REDIC1: variants seen among roughly 807,000 people sequenced by gnomAD.
REDIC1 encodes the protein HEI10 Interacting Protein 1.
chr12:39,833,042 T>C, the REDIC1 span, among the ~76,000 whole-genome samples: 1 of 152,146 alleles, frequency 6.6e-6, no homozygotes, highest in African/African-American at 2.4e-5. Context: ...TCTTTACTTC[T>C]GCTTACATTT....
At chr12:39,760,230 T>C in the REDIC1 span, 4 of 1,612,166 alleles carry the variant, frequency 2.5e-6, no homozygotes, top group Admixed American at 5.0e-5. Context: ...CAGCAGCAAA[T>C]CCAGCATAGA....
the REDIC1 span, among the ~76,000 whole-genome samples, chr12:39,813,220 C>T: frequency 1.3e-5 from 2 of 151,736 alleles, no homozygotes; most frequent in South Asian, 4.2e-4. Context: ...TCCATTTTAT[C>T]TATTCTGTTT....
At chr12:39,695,863 G>A in the REDIC1 span, among the ~76,000 whole-genome samples, 6 of 152,208 alleles carry the variant, frequency 3.9e-5, no homozygotes, top group African/African-American at 1.4e-4. Context: ...CCATGGGGAT[G>A]CTATGTCCCT....
chr12:39,896,386 A>G, the REDIC1 span, among the ~76,000 whole-genome samples: 302 of 130,738 alleles, frequency 2.3e-3, 9 homozygotes, highest in African/African-American at 8.3e-3. Context: ...ATATGTATGT[A>G]TATGTGTATA....
the REDIC1 span, among the ~76,000 whole-genome samples, chr12:39,714,576 A>T: frequency 6.6e-6 from 1 of 151,732 alleles, no homozygotes; most frequent in Non-Finnish European, 1.5e-5. Flanking sequence ...CTGGGTGGAT[A>T]CCCATTAGTG....
the REDIC1 span, among the ~76,000 whole-genome samples, chr12:39,858,757 C>T: frequency 6.6e-6 from 1 of 152,078 alleles, no homozygotes. Flanking sequence ...TAGGAGCCTG[C>T]CACCACACTT....
chr12:39,866,675 T>A, the REDIC1 span, among the ~76,000 whole-genome samples: 1 of 152,140 alleles, frequency 6.6e-6, no homozygotes, highest in Admixed American at 6.5e-5. Flanking sequence ...GAGACGGGGT[T>A]TCACCGTGTT....
chr12:39,710,767 C>T, the REDIC1 span, among the ~76,000 whole-genome samples: 1 of 151,884 alleles, frequency 6.6e-6, no homozygotes, highest in South Asian at 2.1e-4. Flanking sequence ...GTGACTTAAA[C>T]AAATGTATAT....
the REDIC1 span, among the ~76,000 whole-genome samples, chr12:39,708,403 AGT>A: frequency 6.6e-6 from 1 of 151,840 alleles, no homozygotes; most frequent in African/African-American, 2.4e-5. Context: ...CTTTGCATAT[AGT>A]GTCTCTTGCT....
chr12:39,743,910 C>T, the REDIC1 span, among the ~76,000 whole-genome samples: 3 of 152,062 alleles, frequency 2.0e-5, no homozygotes, highest in Non-Finnish European at 4.4e-5. Flanking sequence ...CAGAAAGGAA[C>T]AGAAGAAATA....
At chr12:39,720,886 A>T in the REDIC1 span, 12 of 1,613,292 alleles carry the variant, frequency 7.4e-6, no homozygotes, top group Admixed American at 1.7e-5. Context: ...TGTAGAAAGG[A>T]TGGCAAAACT....
At chr12:39,657,023 C>T in the REDIC1 span, among the ~76,000 whole-genome samples, 1 of 152,006 alleles carries the variant, frequency 6.6e-6, no homozygotes, top group African/African-American at 2.4e-5. Context: ...TTTAGTGAAG[C>T]GTAAGTGTAG....
chr12:39,882,276 A>T, the REDIC1 span, among the ~76,000 whole-genome samples: 2 of 152,142 alleles, frequency 1.3e-5, no homozygotes, highest in African/African-American at 4.8e-5. Context: ...AGAATTTCTG[A>T]TTCAGTAGGT....
At chr12:39,805,171 C>T in the REDIC1 span, among the ~76,000 whole-genome samples, 4 of 149,792 alleles carry the variant, frequency 2.7e-5, no homozygotes, top group Admixed American at 6.7e-5. Context: ...GTGTGTTGGA[C>T]GTGGCCAGAA....
chr12:39,874,970 C>G, the REDIC1 span, among the ~76,000 whole-genome samples: 1 of 152,200 alleles, frequency 6.6e-6, no homozygotes, highest in African/African-American at 2.4e-5. Context: ...CCTTGTATCT[C>G]CCTCTGAGCA....
chr12:39,682,098 A>ACC, the REDIC1 span, among the ~76,000 whole-genome samples: 3 of 152,156 alleles, frequency 2.0e-5, no homozygotes, highest in African/African-American at 7.2e-5. Context: ...TTATGTATAT[A>ACC]CACATTTGTA....
chr12:39,829,097 A>T, the REDIC1 span, among the ~76,000 whole-genome samples: 2 of 152,146 alleles, frequency 1.3e-5, no homozygotes, highest in Non-Finnish European at 2.9e-5. Flanking sequence ...ATATTCTTTT[A>T]TAGGAATTTA....
chr12:39,754,901 A>T, the REDIC1 span: 1 of 152,094 alleles, frequency 6.6e-6, no homozygotes, highest in African/African-American at 2.4e-5. Flanking sequence ...ATAAAATATC[A>T]TTAAAATGAG....
chr12:39,687,593 C>T, the REDIC1 span, among the ~76,000 whole-genome samples: 1 of 152,186 alleles, frequency 6.6e-6, no homozygotes, highest in Non-Finnish European at 1.5e-5. Flanking sequence ...GAAACTACTT[C>T]CCATGATTCA....
Sources: allele counts gnomAD v4.1 joint callset (sites outside exome capture counted in the v4.1 genomes callset), GRCh38; gene constraint gnomAD v4.1.1; transcripts MANE v1.5; gene names NCBI Gene and HGNC (gene_info 2026-07-23, HGNC 2026-07-21).